The following PCDH15 variants were observed in gnomAD, a reference collection of about 807,000 sequenced individuals.
PCDH15 encodes protocadherin-15.
A neutral mutation model predicts 178.5 loss-of-function variants in PCDH15; 129 were observed. The ratio of observed to expected loss-of-function variants is 0.72; its 90% CI spans 0.63 to 0.84. The LOEUF (loss-of-function observed/expected upper bound fraction) is 0.84. Among genes scored for constraint, PCDH15 ranks in the 40% least tolerant of loss-of-function variants. The pLI is 0.00. For missense variants in PCDH15, 2,230 were observed against 2,099.9 expected (o/e 1.06, Z -1.21); for synonymous variants, 800 against 732.0 (o/e 1.09, Z -1.50).
intron 2 of PCDH15, among the ~76,000 whole-genome samples, chr10:55,446,732 C>G (rs1397446072): frequency 6.6e-6 from 1 of 152,050 alleles, no homozygotes; most frequent in Non-Finnish European, 1.5e-5. Flanking sequence ...TTTCCAGTTG[C>G]CCTATTGTAC....
chr10:55,608,585 C>T (rs1166083374), intron 2 of PCDH15, among the ~76,000 whole-genome samples: 1 of 151,846 alleles, frequency 6.6e-6, no homozygotes, highest in East Asian at 2.0e-4. Flanking sequence ...ACCATGGGTT[C>T]TGTCTAGATC....
At chr10:54,352,080 A>G (rs936751814) in intron 5 of PCDH15, among the ~76,000 whole-genome samples, 2 of 152,210 alleles carry the variant, frequency 1.3e-5, no homozygotes, top group African/African-American at 4.8e-5. Flanking sequence ...GTGTTGGTAG[A>G]TAACAATGAT....
At chr10:54,105,895 C>T (rs960550308) in intron 15 of PCDH15, among the ~76,000 whole-genome samples, 16 of 152,096 alleles carry the variant, frequency 1.1e-4, no homozygotes, top group South Asian at 4.1e-4. Context: ...TCCCCATGAC[C>T]GTCAGCTGAT....
At chr10:54,508,858 A>T (rs1392380166) in intron 3 of PCDH15, among the ~76,000 whole-genome samples, 1 of 152,058 alleles carries the variant, frequency 6.6e-6, no homozygotes. Flanking sequence ...CAGATTTCAG[A>T]TTTTTTTGAA....
At position 55,086,659 on chromosome 10, in the gene PCDH15, A is replaced by T. The variant is rs182074687; in HGVS notation, c.-80+79917T>A. 2.3e-3 allele frequency among the ~76,000 whole-genome samples: 356 copies of T among 152,184 alleles called. 3 individuals are homozygous for T. Among genetic ancestry groups the T allele is most frequent in the African/African-American group, 8.1e-3 (336 of 41,566 alleles). ...CAGCAGACTTTTTAAAGACCAATTGAAAGGCCCTAGACTCCATGGAATTCT... is the reference window on the plus strand; with the variant it reads ...CAGCAGACTTTTTAAAGACCAATTGTAAGGCCCTAGACTCCATGGAATTCT... On this transcript the variant is annotated intron_variant, in intron 2 of 5. Coordinates refer to the PCDH15 transcript ENST00000458638.
At chr10:54,606,615 A>G (rs1305192159) in intron 2 of PCDH15, 1 of 152,130 alleles carries the variant, frequency 6.6e-6, no homozygotes, top group Non-Finnish European at 1.5e-5. Context: ...CAGGATCAAG[A>G]TTGTGGAAAG....
chr10:54,369,282 T>G lies in PCDH15; in HGVS notation c.319-7A>C. On this transcript the variant is annotated splice_polypyrimidine_tract_variant and splice_region_variant and intron_variant, in intron 4 of 37. Coordinates refer to ENST00000644397, the MANE Select transcript of PCDH15 (RefSeq NM_001384140.1). ...AGTGTATGTTCATCGGTGGCTGCAATGTAGAAATTGCATCTTTTAAAATAC... is the reference window on the plus strand; with the variant it reads ...AGTGTATGTTCATCGGTGGCTGCAAGGTAGAAATTGCATCTTTTAAAATAC... 1 of 1,611,934 alleles carries G rather than the reference T, an allele frequency of 6.2e-7. No homozygotes were observed. Among genetic ancestry groups the G allele is most frequent in the East Asian group, 2.2e-5 (1 of 44,788 alleles).
intron 1 of PCDH15, among the ~76,000 whole-genome samples, chr10:54,777,415 C>T (rs746178617): frequency 7.9e-5 from 12 of 152,004 alleles, no homozygotes; most frequent in Non-Finnish European, 1.5e-4. Context: ...AAAAGGGAAG[C>T]GGAACTTCAA....
chr10:54,912,090 A>G (rs1954828631), intron 2 of PCDH15, among the ~76,000 whole-genome samples: 1 of 152,010 alleles, frequency 6.6e-6, no homozygotes. Flanking sequence ...TTACATTTTT[A>G]TTCTAGACTT....
At chr10:54,377,221 A>G (rs908138601) in intron 4 of PCDH15, among the ~76,000 whole-genome samples, 4 of 152,082 alleles carry the variant, frequency 2.6e-5, no homozygotes, top group African/African-American at 9.7e-5. Flanking sequence ...CTAACTGATA[A>G]AATTATCTTC....
chr10:54,953,285 A>AT (rs1160345574), intron 2 of PCDH15, among the ~76,000 whole-genome samples: 1 of 151,362 alleles, frequency 6.6e-6, no homozygotes, highest in African/African-American at 2.4e-5. Flanking sequence ...AATCATATAT[A>AT]TTTTTCTTCT....
chr10:54,069,122 T>C (rs1354360929), intron 17 of PCDH15, among the ~76,000 whole-genome samples: 1 of 152,306 alleles, frequency 6.6e-6, no homozygotes, highest in East Asian at 1.9e-4. Flanking sequence ...TTTTTACAGT[T>C]GCGGTAGTTC....
At chr10:55,173,142 A>G (rs1004992303) in intron 1 of PCDH15, among the ~76,000 whole-genome samples, 7 of 152,074 alleles carry the variant, frequency 4.6e-5, no homozygotes, top group Non-Finnish European at 1.0e-4. Context: ...GCAATTAAAA[A>G]AAACACTTTA....
intron 2 of PCDH15, among the ~76,000 whole-genome samples, chr10:55,491,057 T>C (rs1390399415): frequency 2.0e-5 from 3 of 151,770 alleles, no homozygotes; most frequent in Admixed American, 2.0e-4. Flanking sequence ...TATGGAAAAA[T>C]GTTTGCTCAA....
At chr10:53,987,818 C>T (rs1370936827) in intron 21 of PCDH15, among the ~76,000 whole-genome samples, 1 of 152,114 alleles carries the variant, frequency 6.6e-6, no homozygotes, top group Non-Finnish European at 1.5e-5. Flanking sequence ...CCATTGAAAA[C>T]TTCTTTTCAC....
intron 2 of PCDH15, among the ~76,000 whole-genome samples, chr10:55,116,874 T>C (rs757199511): frequency 2.6e-5 from 4 of 152,126 alleles, no homozygotes; most frequent in African/African-American, 9.7e-5. Flanking sequence ...TTCCACATAA[T>C]GAGAGAAAAG....
chr10:54,761,233 C>T (rs978676169), intron 1 of PCDH15, among the ~76,000 whole-genome samples: 6 of 152,122 alleles, frequency 3.9e-5, no homozygotes, highest in African/African-American at 1.4e-4. Context: ...ATTTCAGGCA[C>T]TTCCAGTCCA....
At chr10:55,411,794 A>G (rs1236518005) in intron 2 of PCDH15, among the ~76,000 whole-genome samples, 1 of 152,128 alleles carries the variant, frequency 6.6e-6, no homozygotes, top group Non-Finnish European at 1.5e-5. Flanking sequence ...TGATGAATCT[A>G]TTATGTCTTA....
At chr10:54,163,185 C>G (rs559400769) in intron 13 of PCDH15, among the ~76,000 whole-genome samples, 1 of 152,066 alleles carries the variant, frequency 6.6e-6, no homozygotes, top group Non-Finnish European at 1.5e-5. Context: ...ACACAATATA[C>G]TTGAATCGTA....
Sources: allele counts gnomAD v4.1 joint callset (sites outside exome capture counted in the v4.1 genomes callset), GRCh38; gene constraint gnomAD v4.1.1; transcripts MANE v1.5; gene names NCBI Gene and HGNC (gene_info 2026-07-23, HGNC 2026-07-21).